Variants in RAF1 observed in about 807,000 individuals in gnomAD.
RAF1 encodes the protein Raf-1 proto-oncogene, serine/threonine kinase.
A neutral mutation model predicts 81.1 loss-of-function variants in RAF1; 27 were observed. The observed-to-expected ratio is 0.33, with a 90% confidence interval of 0.25 to 0.46. The LOEUF (loss-of-function observed/expected upper bound fraction) is 0.46. RAF1 is among the 20% of genes least tolerant of loss of function. The pLI, the probability that RAF1 is intolerant of heterozygous loss-of-function variation, is 1.00. For synonymous variants in RAF1, 298 were observed against 294.0 expected, an observed-to-expected ratio of 1.01 and a Z score of -0.14; for missense variants, 598 against 826.0, an observed-to-expected ratio of 0.72 and a Z score of 3.38.
intron 3 of RAF1, among the ~76,000 whole-genome samples, chr3:12,610,995 AT>A (rs1435064496): frequency 6.6e-6 from 1 of 152,108 alleles, no homozygotes; most frequent in Non-Finnish European, 1.5e-5. Context: ...ATTAGTACAC[AT>A]TTAACTGAAT....
chr3:12,660,920 GC>G, intron 1 of RAF1, among the ~76,000 whole-genome samples: 1 of 152,276 alleles, frequency 6.6e-6, no homozygotes, highest in Middle Eastern at 3.4e-3. Flanking sequence ...GTCGCAGTGA[GC>G]CAAGATCGCA....
At chr3:12,658,217 A>G (rs2060762246) in intron 1 of RAF1, among the ~76,000 whole-genome samples, 1 of 152,254 alleles carries the variant, frequency 6.6e-6, no homozygotes, top group African/African-American at 2.4e-5. Flanking sequence ...CTGTACATAC[A>G]TACCCATGAT....
At chr3:12,616,961 C>G (rs1216067125) in intron 2 of RAF1, among the ~76,000 whole-genome samples, 5 of 152,076 alleles carry the variant, frequency 3.3e-5, no homozygotes, top group Non-Finnish European at 7.4e-5. Context: ...GAGAAGGGGT[C>G]TGGCTCTCTG....
intron 14 of RAF1, 181 bp from the exon 14 acceptor site, chr3:12,585,980 A>C: frequency 1.6e-6 from 1 of 607,974 alleles, no homozygotes; most frequent in East Asian, 2.9e-5. Context: ...CTTCTTCCAG[A>C]AGACAGGCAG....
At chr3:12,663,077 G>A (rs1407587477) in intron 1 of RAF1, among the ~76,000 whole-genome samples, 1 of 152,078 alleles carries the variant, frequency 6.6e-6, no homozygotes. Context: ...CGAGAACAAT[G>A]AATGAACACG....
Position 12,663,979 on chromosome 3 carries a change from G to A in RAF1, c.-193C>T, listed in dbSNP as rs1317863266. On this transcript the variant is annotated 5_prime_UTR_variant, in exon 1 of 18. Coordinates refer to ENST00000442415, the MANE Select transcript of RAF1 (RefSeq NM_001354689.3). ...CCGCATCGTAGCAAACGCGCTCCGC[G>A]CCTCAGGGCACGCGCCCCAAAGCCC... 13 of 398,430 alleles carry A rather than the reference G, an allele frequency of 3.3e-5. No homozygotes were observed. In the East Asian group the frequency reaches 4.6e-4, roughly 14 times the overall value. The allele number at this position is 398,430 out of a possible 1,614,324, so 24.7% of individuals were successfully genotyped here.
rs150252594 is a variant in RAF1, at chr3:12,619,193, G to A, written c.-26-446C>T. Among the ~76,000 whole-genome samples, 474 of 151,792 alleles carry A rather than the reference G, an allele frequency of 3.1e-3. 3 individuals carry two copies. Among genetic ancestry groups the A allele is most frequent in the African/African-American group, 0.011 (436 of 41,390 alleles). On this transcript the variant is annotated intron_variant, in intron 1 of 17. Transcript: ENST00000442415. The stretch of plus-strand genomic sequence containing the variant: ...CTGGGAGGCGGAGCTTGCAGTGAGC[G>A]GAGATCATGCCACCGCACTCCAGCC...
At chr3:12,623,601 T>C (rs1374940862) in intron 1 of RAF1, among the ~76,000 whole-genome samples, 1 of 151,884 alleles carries the variant, frequency 6.6e-6, no homozygotes, top group Non-Finnish European at 1.5e-5. Context: ...ATGGAGACCA[T>C]CCTGGCTAAC....
chr3:12,661,724 A>C (rs1353681506), intron 1 of RAF1, among the ~76,000 whole-genome samples: 1 of 152,140 alleles, frequency 6.6e-6, no homozygotes, highest in Non-Finnish European at 1.5e-5. Flanking sequence ...AAACAATAGA[A>C]TAATAAAATA....
intron 1 of RAF1, among the ~76,000 whole-genome samples, chr3:12,651,641 G>A (rs757022506): frequency 4.0e-4 from 57 of 141,686 alleles, no homozygotes; most frequent in South Asian, 7.8e-4. Flanking sequence ...GCAATAGAGC[G>A]AGACTTGGTC....
At chr3:12,594,541 T>G (rs1158246851) in intron 11 of RAF1, among the ~76,000 whole-genome samples, 1 of 152,102 alleles carries the variant, frequency 6.6e-6, no homozygotes, top group African/African-American at 2.4e-5. Flanking sequence ...TAATATAACC[T>G]CAGAATTCAG....
At chr3:12,607,205 G>C (rs1365522753) in intron 5 of RAF1, among the ~76,000 whole-genome samples, 2 of 152,154 alleles carry the variant, frequency 1.3e-5, no homozygotes, top group African/African-American at 4.8e-5. Context: ...GGGCACTTGT[G>C]CTTAGTAATT....
intron 1 of RAF1, among the ~76,000 whole-genome samples, chr3:12,656,467 A>G (rs891368311): frequency 5.3e-5 from 8 of 152,144 alleles, no homozygotes; most frequent in African/African-American, 1.7e-4. Flanking sequence ...CTAAGTTACA[A>G]AGTTCTAAGT....
chr3:12,635,755 CAA>C (rs547803574), intron 1 of RAF1, among the ~76,000 whole-genome samples: 247 of 151,464 alleles, frequency 1.6e-3, no homozygotes, highest in African/African-American at 5.6e-3. Flanking sequence ...GGGCGGATCA[CAA>C]GGTCAGGAGA....
chr3:12,633,964 G>A (rs1390362481), intron 1 of RAF1, among the ~76,000 whole-genome samples: 5 of 148,238 alleles, frequency 3.4e-5, no homozygotes, highest in Non-Finnish European at 6.0e-5. Flanking sequence ...AAAAAAATCA[G>A]GAATCCGAAT....
In RAF1 at chr3:12,621,890, G is replaced by A. The variant is rs560761980; in HGVS notation, c.-26-3143C>T. Among the ~76,000 whole-genome samples the A allele has an allele frequency of 9.9e-5, 15 of 152,252 alleles. No homozygotes were observed. The South Asian group carries it at 3.1e-3, about 32-fold the overall frequency. ...GAGGGAAATCTAGAAATAAATAAATGGATGGGGAACTCTAGAATTAAAGTG... is the reference window on the plus strand; with the variant it reads ...GAGGGAAATCTAGAAATAAATAAATAGATGGGGAACTCTAGAATTAAAGTG... On this transcript the variant is annotated intron_variant, in intron 1 of 17. Transcript: ENST00000442415.
chr3:12,596,234 G>A (rs1419427716), intron 11 of RAF1, among the ~76,000 whole-genome samples: 5 of 140,664 alleles, frequency 3.6e-5, no homozygotes, highest in East Asian at 2.1e-4. Context: ...TCGTTCTGTC[G>A]CCCAGGCTGG....
intron 12 of RAF1, among the ~76,000 whole-genome samples, chr3:12,591,388 T>C (rs569783005): frequency 6.6e-6 from 1 of 152,238 alleles, no homozygotes; most frequent in East Asian, 1.9e-4. Context: ...AAAAAAGGGT[T>C]CTGGGAAATA....
intron 1 of RAF1, among the ~76,000 whole-genome samples, chr3:12,623,004 A>T (rs538236382): frequency 4.6e-5 from 7 of 151,332 alleles, no homozygotes; most frequent in South Asian, 2.1e-4. Flanking sequence ...TTCTAAATTT[A>T]AAAAAAAAAT....
Sources: allele counts gnomAD v4.1 joint callset (sites outside exome capture counted in the v4.1 genomes callset), GRCh38; gene constraint gnomAD v4.1.1; transcripts MANE v1.5; gene names NCBI Gene and HGNC (gene_info 2026-07-23, HGNC 2026-07-21).